Variants in GRM8 observed in about 807,000 individuals in gnomAD.
The protein encoded by GRM8 is glutamate metabotropic receptor 8.
Under a neutral mutation model 87.2 loss-of-function variants are expected in GRM8, and 47 were observed. The ratio of observed to expected loss-of-function variants is 0.54; its 90% CI spans 0.43 to 0.69. GRM8 has a LOEUF of 0.69. Among genes scored for constraint, GRM8 ranks in the 30% least tolerant of loss-of-function variants. The pLI is 0.00. For synonymous variants in GRM8, 396 were observed against 404.5 expected (o/e 0.98, Z 0.25); for missense variants, 1,019 against 1,139.2 (o/e 0.89, Z 1.52).
intron 3 of GRM8, among the ~76,000 whole-genome samples, chr7:126,922,703 A>C (rs567211219): frequency 6.6e-6 from 1 of 152,250 alleles, no homozygotes; most frequent in African/African-American, 2.4e-5. Context: ...TGTAATCCCC[A>C]ATGCTGGAGG....
intron 3 of GRM8, among the ~76,000 whole-genome samples, chr7:127,035,291 G>A (rs753130468): frequency 6.6e-6 from 1 of 152,174 alleles, no homozygotes; most frequent in Non-Finnish European, 1.5e-5. Flanking sequence ...GCCTTGTTAA[G>A]GCTGTGTCTA....
chr7:126,712,374 G>C (rs1811194197), intron 7 of GRM8, among the ~76,000 whole-genome samples: 1 of 152,016 alleles, frequency 6.6e-6, no homozygotes, highest in Admixed American at 6.6e-5. Context: ...ACTGATCACA[G>C]GTCACCATAA....
At chr7:127,208,951 C>T (rs1796065357) in intron 2 of GRM8, among the ~76,000 whole-genome samples, 1 of 152,192 alleles carries the variant, frequency 6.6e-6, no homozygotes, top group African/African-American at 2.4e-5. Flanking sequence ...TTCCCAGTTC[C>T]ATTTCCCACA....
chr7:126,844,742 CA>C (rs1796566601), intron 6 of GRM8, among the ~76,000 whole-genome samples: 1 of 152,128 alleles, frequency 6.6e-6, no homozygotes, highest in East Asian at 1.9e-4. Flanking sequence ...GCTGTGTGCT[CA>C]CATGGCATTT....
At chr7:126,779,388 T>A (rs1287905060) in intron 6 of GRM8, among the ~76,000 whole-genome samples, 2 of 152,120 alleles carry the variant, frequency 1.3e-5, no homozygotes, top group Non-Finnish European at 2.9e-5. Context: ...AATATGCCAA[T>A]GCTACATTTT....
chr7:126,709,785 A>G (rs1462841384), intron 7 of GRM8, among the ~76,000 whole-genome samples: 5 of 152,208 alleles, frequency 3.3e-5, no homozygotes, highest in African/African-American at 1.2e-4. Context: ...CCATGGACAG[A>G]AGAATAAGTA....
intron 9 of GRM8, among the ~76,000 whole-genome samples, chr7:126,498,227 T>C (rs1256117823): frequency 6.6e-6 from 1 of 151,934 alleles, no homozygotes; most frequent in Non-Finnish European, 1.5e-5. Flanking sequence ...TTTAAGAAAC[T>C]CAATTGTTCT....
chr7:126,776,646 C>T lies in GRM8; in HGVS notation c.1157-6581G>A, dbSNP rs183203518. Reference sequence around the variant, plus strand: ...AACACTGGCATAATCAAAGAAGCTACGTTGGAGTAGAGCACCTTATGCAAT... The same window carrying T: ...AACACTGGCATAATCAAAGAAGCTATGTTGGAGTAGAGCACCTTATGCAAT... On this transcript the variant is annotated intron_variant, in intron 6 of 10. Coordinates refer to ENST00000339582, the MANE Select transcript of GRM8 (RefSeq NM_000845.3). Among the ~76,000 whole-genome samples, 359 of 152,300 alleles carry T rather than the reference C, an allele frequency of 2.4e-3. 2 individuals carry two copies. Among genetic ancestry groups the T allele is most frequent in the African/African-American group, 7.9e-3 (330 of 41,578 alleles).
intron 3 of GRM8, among the ~76,000 whole-genome samples, chr7:127,051,219 C>G (rs1226896692): frequency 6.6e-6 from 1 of 152,064 alleles, no homozygotes; most frequent in East Asian, 1.9e-4. Flanking sequence ...TCTGGGTGTA[C>G]AGAATCAGAA....
intron 3 of GRM8, among the ~76,000 whole-genome samples, chr7:126,958,659 G>A (rs1808996551): frequency 6.6e-6 from 1 of 152,148 alleles, no homozygotes; most frequent in South Asian, 2.1e-4. Flanking sequence ...GGACAAGTGG[G>A]CATAACAGGC....
At chr7:126,933,155 C>T (rs1338247903) in intron 3 of GRM8, among the ~76,000 whole-genome samples, 1 of 152,232 alleles carries the variant, frequency 6.6e-6, no homozygotes, top group African/African-American at 2.4e-5. Context: ...ACAAACACAG[C>T]TGCAATGTGG....
intron 9 of GRM8, among the ~76,000 whole-genome samples, chr7:126,479,741 TAGACAGACAGACAGACAGAC>T (rs3993604): frequency 6.7e-6 from 1 of 148,450 alleles, no homozygotes; most frequent in African/African-American, 2.4e-5. Context: ...GACAGAGAGA[TAGACAGACAGACAGACAGAC>T]AGACAGACAG....
At chr7:126,849,764 C>T (rs554075405) in intron 6 of GRM8, among the ~76,000 whole-genome samples, 2 of 152,182 alleles carry the variant, frequency 1.3e-5, no homozygotes, top group South Asian at 4.1e-4. Context: ...TCCCACCCAC[C>T]TCATCTGGTC....
At position 126,768,943 on chromosome 7, in the gene GRM8, A is replaced by G. The variant is rs188332694; in HGVS notation, c.1357+922T>C. On this transcript the variant is annotated intron_variant, in intron 7 of 10. Coordinates refer to ENST00000339582, the MANE Select transcript of GRM8 (RefSeq NM_000845.3). ...GGAAAAATGCAAAAAAAAAAAAAAT[A>G]AAGAAGAAGTTTCCACTTGAATTCT... Among the ~76,000 whole-genome samples, 6 of 147,268 alleles carry G rather than the reference A, an allele frequency of 4.1e-5. No homozygotes were observed. The East Asian group carries it at 1.2e-3, about 28-fold the overall frequency.
At chr7:126,859,743 G>A (rs746435519) in intron 6 of GRM8, among the ~76,000 whole-genome samples, 7 of 152,140 alleles carry the variant, frequency 4.6e-5, no homozygotes, top group African/African-American at 1.7e-4. Context: ...GCATCCTGAA[G>A]ATCCTAAACA....
intron 7 of GRM8, among the ~76,000 whole-genome samples, chr7:126,756,019 C>G (rs1191480628): frequency 1.3e-5 from 2 of 151,292 alleles, no homozygotes; most frequent in Non-Finnish European, 3.0e-5. Flanking sequence ...TCCTTCAGTC[C>G]CAACAATCAC....
chr7:126,652,254 C>T (rs892641355), intron 7 of GRM8, among the ~76,000 whole-genome samples: 2 of 152,182 alleles, frequency 1.3e-5, no homozygotes, highest in Admixed American at 6.5e-5. Flanking sequence ...TCTGGTTGTA[C>T]GAAGGATAGC....
intron 8 of GRM8, among the ~76,000 whole-genome samples, chr7:126,574,334 G>T (rs887419457): frequency 6.6e-6 from 1 of 152,164 alleles, no homozygotes; most frequent in Non-Finnish European, 1.5e-5. Context: ...GATTTTGGCT[G>T]GAATATAATA....
intron 9 of GRM8, among the ~76,000 whole-genome samples, chr7:126,487,128 T>G (rs1269134416): frequency 6.6e-6 from 1 of 152,090 alleles, no homozygotes; most frequent in East Asian, 1.9e-4. Flanking sequence ...AAAGTGTTAT[T>G]GAGGAGTGGC....
Sources: allele counts gnomAD v4.1 joint callset (sites outside exome capture counted in the v4.1 genomes callset), GRCh38; gene constraint gnomAD v4.1.1; transcripts MANE v1.5; gene names NCBI Gene and HGNC (gene_info 2026-07-23, HGNC 2026-07-21).